CABIN1: variants seen among roughly 807,000 people sequenced by gnomAD.
The protein encoded by CABIN1 is calcineurin-binding protein cabin-1.
In CABIN1, 133 loss-of-function variants were observed where a neutral mutation model predicts 227.7. That is an observed-to-expected ratio of 0.58 (90% CI 0.51 to 0.67). The LOEUF (loss-of-function observed/expected upper bound fraction) is 0.67. Among genes scored for constraint, CABIN1 ranks in the 30% least tolerant of loss-of-function variants. The probability of loss-of-function intolerance (pLI) is 0.00; values close to 1 mark genes in which losing one functional copy is unlikely to be tolerated. For missense variants in CABIN1, 2,408 were observed against 2,852.5 expected (o/e 0.84, Z 3.55); for synonymous variants, 1,086 against 1,155.1 (o/e 0.94, Z 1.21).
Position 24,067,150 on chromosome 22 carries a change from CTGA to C in CABIN1, c.2202_2204del (p.Glu735del). 6.2e-7 allele frequency: 1 copy of C among 1,614,282 alleles called. No individual in the cohort carries two copies. The highest frequency in any genetic ancestry group is 8.5e-7 in the Non-Finnish European group (1 of 1,180,056). On this transcript the variant is annotated inframe_deletion, in exon 16 of 37. Coordinates refer to ENST00000263119, the MANE Select transcript of CABIN1 (RefSeq NM_012295.4). ...CACCTGGAGTTTATGACTTCCATTC[CTGA>C]GAGGCCAGCCCAGCTGCTTCTTCTG...
intron 31 of CABIN1, 64 bp from the exon 32 acceptor site, chr22:24,166,575 C>T (rs1412917750): frequency 3.7e-6 from 6 of 1,608,114 alleles, no homozygotes; most frequent in East Asian, 2.2e-5. Flanking sequence ...CACCAGCCCC[C>T]AGAGGTGACT....
At chr22:24,168,265 G>A (rs529318015) in intron 32 of CABIN1, among the ~76,000 whole-genome samples, 182 bp from the exon 33 acceptor site, 1 of 152,240 alleles carries the variant, frequency 6.6e-6, no homozygotes, top group Admixed American at 6.5e-5. Context: ...GGACGTAGGG[G>A]TCTAGATGCG....
Position 24,079,170 on chromosome 22 carries a change from G to A in CABIN1, c.2748+2886G>A, listed in dbSNP as rs140585185. ...TCCATATACTGAGCACTGGTTAGTC[G>A]TTATTATTCATAACGCATGTCCACT... On this transcript the variant is annotated intron_variant, in intron 19 of 36. Transcript: ENST00000263119. Among the ~76,000 whole-genome samples, 1,049 of 152,066 alleles carry A rather than the reference G, an allele frequency of 6.9e-3. 50 individuals carry two copies. The highest frequency in any genetic ancestry group is 0.062 in the Admixed American group (944 of 15,268).
At chr22:24,176,734 G>A (rs368784952) in intron 35 of CABIN1, among the ~76,000 whole-genome samples, 5 of 152,206 alleles carry the variant, frequency 3.3e-5, no homozygotes, top group African/African-American at 4.8e-5. Context: ...CGACAGCCAC[G>A]TCAGATTCTA....
intron 33 of CABIN1, 29 bp from the exon 34 acceptor site, chr22:24,171,684 C>A: frequency 1.2e-5 from 20 of 1,613,668 alleles, no homozygotes; most frequent in Non-Finnish European, 1.7e-5. Context: ...GCCTAGCCAG[C>A]CTTTCTCACC....
chr22:24,056,413 A>G, intron 10 of CABIN1, 53 bp downstream of exon 10: 4 of 1,560,364 alleles, frequency 2.6e-6, no homozygotes, highest in Non-Finnish European at 3.5e-6. Flanking sequence ...GCTCCAGCAT[A>G]CACCATCAGT....
At chr22:24,108,663 A>G (rs1473023805) in intron 26 of CABIN1, among the ~76,000 whole-genome samples, 1 of 152,208 alleles carries the variant, frequency 6.6e-6, no homozygotes. Flanking sequence ...AGGGATGCCT[A>G]CAAGGTCACT....
At chr22:24,080,609 T>C (rs899603041) in intron 19 of CABIN1, among the ~76,000 whole-genome samples, 2 of 152,246 alleles carry the variant, frequency 1.3e-5, no homozygotes, top group African/African-American at 2.4e-5. Flanking sequence ...ATACTTTTTT[T>C]CCTTTCACTC....
intron 19 of CABIN1, among the ~76,000 whole-genome samples, chr22:24,081,651 T>G (rs2040812435): frequency 6.6e-6 from 1 of 152,230 alleles, no homozygotes; most frequent in African/African-American, 2.4e-5. Context: ...TTGAATTTAC[T>G]CTGTATTGTT....
intron 1 of CABIN1, among the ~76,000 whole-genome samples, chr22:24,014,990 G>T (rs560105158): frequency 2.0e-5 from 3 of 152,022 alleles, no homozygotes; most frequent in Non-Finnish European, 4.4e-5. Context: ...TAGGCCAGGC[G>T]TGGTGGCTCA....
At chr22:24,039,414 A>G (rs1327204248) in intron 4 of CABIN1, among the ~76,000 whole-genome samples, 3 of 152,166 alleles carry the variant, frequency 2.0e-5, no homozygotes, top group Non-Finnish European at 4.4e-5. Context: ...TTGTATTCCT[A>G]ATTATATAGC....
At chr22:24,077,299 G>A (rs573898276) in intron 19 of CABIN1, among the ~76,000 whole-genome samples, 2 of 152,268 alleles carry the variant, frequency 1.3e-5, no homozygotes, top group South Asian at 2.1e-4. Context: ...AGAGTAGGGG[G>A]TTTTGCTAGT....
At chr22:24,085,206 C>T in intron 22 of CABIN1, 55 bp downstream of exon 22, 7 of 1,601,490 alleles carry the variant, frequency 4.4e-6, no homozygotes, top group South Asian at 2.2e-5. Context: ...GGGGTGACTC[C>T]AGCTCAGCAA....
intron 26 of CABIN1, among the ~76,000 whole-genome samples, chr22:24,100,521 C>T (rs1434269116): frequency 1.3e-5 from 2 of 152,230 alleles, no homozygotes; most frequent in Admixed American, 6.5e-5. Flanking sequence ...GGGAGGAGAA[C>T]ATGTAGTTCC....
intron 24 of CABIN1, among the ~76,000 whole-genome samples, chr22:24,094,774 G>A (rs1247028978): frequency 1.4e-4 from 20 of 141,664 alleles, no homozygotes; most frequent in Non-Finnish European, 2.1e-4. Flanking sequence ...CCGAGATTGC[G>A]CCACTGCAGT....
At chr22:24,084,932 A>G in intron 21 of CABIN1, 74 bp from the exon 22 acceptor site, 1 of 1,596,976 alleles carries the variant, frequency 6.3e-7, no homozygotes, top group East Asian at 2.2e-5. Flanking sequence ...CTGTGACTAA[A>G]CAGTCCTGGG....
At chr22:24,092,961 T>C (rs1048776643) in intron 24 of CABIN1, among the ~76,000 whole-genome samples, 5 of 152,158 alleles carry the variant, frequency 3.3e-5, no homozygotes, top group African/African-American at 1.2e-4. Context: ...TAGTGCCCTG[T>C]AGTTTAGCAG....
chr22:24,173,805 G>T (rs932896846), intron 34 of CABIN1, among the ~76,000 whole-genome samples: 6 of 152,226 alleles, frequency 3.9e-5, no homozygotes, highest in Admixed American at 3.9e-4. Context: ...CTGCACTCCA[G>T]CCTGGGCGAC....
At chr22:24,113,081 C>G (rs1011392854) in intron 26 of CABIN1, among the ~76,000 whole-genome samples, 21 of 152,212 alleles carry the variant, frequency 1.4e-4, no homozygotes, top group African/African-American at 4.8e-4. Flanking sequence ...TCACACCTGG[C>G]TTTTACTAAC....
Sources: gnomAD v4.1 joint callset for allele counts (sites outside exome capture counted in the v4.1 genomes callset) on GRCh38, gnomAD v4.1.1 for gene constraint, MANE v1.5 for transcripts, NCBI Gene and HGNC (gene_info 2026-07-23, HGNC 2026-07-21) for gene names.